The following MAGI1 variants were observed in gnomAD, a reference collection of about 807,000 sequenced individuals.
The protein encoded by MAGI1 is membrane-associated guanylate kinase, WW and PDZ domain-containing protein 1.
Under a neutral mutation model 139.9 loss-of-function variants are expected in MAGI1, and 58 were observed. The observed-to-expected ratio is 0.41, with a 90% CI of 0.34 to 0.52. The LOEUF (loss-of-function observed/expected upper bound fraction) is 0.52. MAGI1 is among the 20% of genes least tolerant of loss of function. The pLI is 0.12. For missense variants in MAGI1, 1,874 were observed against 1,901.6 expected (o/e 0.99, Z 0.27); for synonymous variants, 812 against 737.9 (o/e 1.10, Z -1.63).
chr3:65,623,681 G>C (rs1259471460), intron 1 of MAGI1, among the ~76,000 whole-genome samples: 1 of 152,178 alleles, frequency 6.6e-6, no homozygotes, highest in Non-Finnish European at 1.5e-5. Context: ...GAGGATGACA[G>C]TGATGGTTAA....
intron 1 of MAGI1, 57 bp downstream of exon 1, chr3:66,037,939 G>C: frequency 6.6e-7 from 1 of 1,515,290 alleles, no homozygotes; most frequent in Non-Finnish European, 8.8e-7. Context: ...ATAAGGGGCA[G>C]CCCACAGACC....
intron 1 of MAGI1, among the ~76,000 whole-genome samples, chr3:66,029,166 T>C (rs1290547523): frequency 6.6e-6 from 1 of 152,170 alleles, no homozygotes; most frequent in Non-Finnish European, 1.5e-5. Context: ...AAGCCAACCT[T>C]GGGTCCAAAA....
intron 1 of MAGI1, among the ~76,000 whole-genome samples, chr3:65,693,629 G>A (rs766855656): frequency 6.6e-6 from 1 of 152,304 alleles, no homozygotes; most frequent in Non-Finnish European, 1.5e-5. Flanking sequence ...TCTTTGGAGA[G>A]ACCAAAGGCG....
rs565804196 is a variant in MAGI1 at position 65,411,495 on chromosome 3, G to A, written c.2168-10025C>T. ...TGATTTTTAACTACATAGGATGTACGGGGGGATTATGAAACAATAGCTCAA... is the reference window on the plus strand; with the variant it reads ...TGATTTTTAACTACATAGGATGTACAGGGGGATTATGAAACAATAGCTCAA... On this transcript the variant is annotated intron_variant, in intron 12 of 22. Coordinates refer to ENST00000402939, the MANE Select transcript of MAGI1 (RefSeq NM_001033057.2). 2.6e-5 allele frequency among the ~76,000 whole-genome samples: 4 copies of A among 152,162 alleles called. No individual in the cohort carries two copies. In the Middle Eastern group the frequency reaches 0.01, roughly 388 times the overall value.
At chr3:66,010,798 C>T (rs1316018245) in intron 1 of MAGI1, among the ~76,000 whole-genome samples, 1 of 152,212 alleles carries the variant, frequency 6.6e-6, no homozygotes, top group African/African-American at 2.4e-5. Flanking sequence ...TCACTACCAA[C>T]TTGGTGTTTA....
chr3:65,750,562 G>C (rs191842661), intron 1 of MAGI1, among the ~76,000 whole-genome samples: 1 of 152,304 alleles, frequency 6.6e-6, no homozygotes, highest in Admixed American at 6.5e-5. Flanking sequence ...AATGTAATTA[G>C]TGACTATGGG....
chr3:65,484,320 T>C (rs986879614), intron 3 of MAGI1, among the ~76,000 whole-genome samples: 4 of 151,960 alleles, frequency 2.6e-5, no homozygotes, highest in Non-Finnish European at 4.4e-5. Flanking sequence ...GGGGTGGGAA[T>C]TGGGGGTACT....
chr3:65,391,207 G>T lies in MAGI1; in HGVS notation c.2351C>A (p.Ser784Tyr), dbSNP rs1943900708. The T allele has an allele frequency of 6.2e-7, 1 of 1,614,094 alleles. No homozygotes were observed. The highest frequency in any genetic ancestry group is 8.5e-7 in the Non-Finnish European group (1 of 1,180,058). Residue 784 changes from serine (S) to tyrosine (Y), a missense_variant, in exon 14 of 23, where the codon TCT becomes TAT. Physicochemically the swap from Ser to Tyr is moderately radical, Grantham distance 144. Transcript: ENST00000402939. ...EAQAPDQTDS[S>Y]GQKKPDPFKI... ...AAAAGGATCTGGTTTTTTCTGGCCA[G>T]AGCTGTCAGTTTGATCTGGAGCTTG...
chr3:65,991,307 T>TA (rs397950872), intron 1 of MAGI1, among the ~76,000 whole-genome samples: 41,709 of 109,204 alleles, frequency 0.38, 7,289 homozygotes, highest in African/African-American at 0.56. Context: ...AAAAAAAAGG[T>TA]AAAAAAAAAA....
intron 1 of MAGI1, among the ~76,000 whole-genome samples, chr3:65,968,482 G>C (rs1383623141): frequency 1.3e-5 from 2 of 151,992 alleles, no homozygotes; most frequent in Non-Finnish European, 2.9e-5. Context: ...TGGAAAAAGA[G>C]CTCTAAAATG....
intron 4 of MAGI1, among the ~76,000 whole-genome samples, chr3:65,475,514 T>G (rs1198633741): frequency 3.9e-5 from 6 of 152,214 alleles, no homozygotes; most frequent in Non-Finnish European, 8.8e-5. Context: ...TGTTACACAC[T>G]TTCTAAGTTG....
chr3:65,598,019 C>T (rs534738928), intron 2 of MAGI1: 2 of 421,928 alleles, frequency 4.7e-6, no homozygotes, highest in African/African-American at 2.0e-5. Flanking sequence ...GAGGTGCTGG[C>T]AGCAGGAGCA....
At chr3:65,696,609 T>G (rs1461267993) in intron 1 of MAGI1, among the ~76,000 whole-genome samples, 1 of 152,154 alleles carries the variant, frequency 6.6e-6, no homozygotes, top group Admixed American at 6.5e-5. Flanking sequence ...TACATGTCCA[T>G]GAGCTTCATG....
intron 22 of MAGI1, chr3:65,360,623 TTTTG>T (rs1422295241): frequency 2.3e-5 from 23 of 985,172 alleles, no homozygotes; most frequent in East Asian, 2.3e-4. Flanking sequence ...TATTAACAGT[TTTTG>T]TTTGTTTGTT....
rs748064535 is a variant in MAGI1, at chr3:65,357,126, C to A, written c.3641G>T (p.Ser1214Ile). 8 of 1,607,062 alleles carry A rather than the reference C, an allele frequency of 5.0e-6. No homozygotes were observed. The highest frequency in any genetic ancestry group is 6.8e-6 in the Non-Finnish European group (8 of 1,176,076). The change falls in exon 23 of 23, where the codon AGC becomes ATC. Residue 1214 changes from serine (S) to isoleucine (I), a missense_variant. Coordinates refer to ENST00000402939, the MANE Select transcript of MAGI1 (RefSeq NM_001033057.2). Reference protein sequence around the residue: ...GDGSVPEYDPSSDRHGPATGP... With the variant: ...GDGSVPEYDPISDRHGPATGP... The stretch of plus-strand genomic sequence containing the variant: ...GGTGGCGGGGCCGTGGCGGTCGCTG[C>A]TGGGGTCTGCCAGGAAAATAAACGA...
intron 3 of MAGI1, among the ~76,000 whole-genome samples, chr3:65,490,245 T>C (rs1189076543): frequency 1.3e-5 from 2 of 152,176 alleles, no homozygotes; most frequent in African/African-American, 2.4e-5. Context: ...TTATCCTCAT[T>C]TTACCAATGG....
chr3:66,023,703 T>C (rs1366033624), intron 1 of MAGI1, among the ~76,000 whole-genome samples: 2 of 152,226 alleles, frequency 1.3e-5, no homozygotes, highest in East Asian at 3.8e-4. Flanking sequence ...GGAACTTTCC[T>C]GCCAAATTTA....
At chr3:65,544,270 A>G (rs1559655469) in intron 2 of MAGI1, among the ~76,000 whole-genome samples, 1 of 152,188 alleles carries the variant, frequency 6.6e-6, no homozygotes, top group Non-Finnish European at 1.5e-5. Flanking sequence ...TTCTGTTTGT[A>G]AACAACTAAA....
intron 2 of MAGI1, among the ~76,000 whole-genome samples, chr3:65,532,203 G>A (rs1359142640): frequency 6.6e-6 from 1 of 151,970 alleles, no homozygotes; most frequent in African/African-American, 2.4e-5. Context: ...TTTCCTATTG[G>A]GAGCAATTTT....
Sources: gnomAD v4.1 joint callset for allele counts (sites outside exome capture counted in the v4.1 genomes callset) on GRCh38, gnomAD v4.1.1 for gene constraint, MANE v1.5 for transcripts, NCBI Gene and HGNC (gene_info 2026-07-23, HGNC 2026-07-21) for gene names.